The following PAX7 variants were observed in gnomAD, a reference collection of about 807,000 sequenced individuals.
PAX7 encodes paired box protein Pax-7.
Under a neutral mutation model 50.7 loss-of-function variants are expected in PAX7, and 18 were observed. That is an observed-to-expected ratio of 0.36 (90% confidence interval 0.25 to 0.53). PAX7 has a LOEUF of 0.53. PAX7 is among the 20% of genes least tolerant of loss of function. The pLI is 0.93. For missense variants in PAX7, 644 were observed against 702.9 expected (o/e 0.92, Z 0.95); for synonymous variants, 310 against 290.4 (o/e 1.07, Z -0.69).
chr1:18,672,972 G>C (rs2088774516), intron 4 of PAX7, among the ~76,000 whole-genome samples: 1 of 152,114 alleles, frequency 6.6e-6, no homozygotes, highest in Non-Finnish European at 1.5e-5. Context: ...CGCTGATGCG[G>C]GGAAGAGGAG....
At chr1:18,671,852 C>G (rs955961982) in intron 4 of PAX7, among the ~76,000 whole-genome samples, 1 of 151,800 alleles carries the variant, frequency 6.6e-6, no homozygotes, top group Non-Finnish European at 1.5e-5. Flanking sequence ...TGGTGCCCAC[C>G]TGTAGTCCTA....
intron 7 of PAX7, among the ~76,000 whole-genome samples, chr1:18,725,065 CA>C (rs1557553076): frequency 6.6e-6 from 1 of 152,200 alleles, no homozygotes; most frequent in African/African-American, 2.4e-5. Context: ...TCTCTATAAC[CA>C]GGGGCCATTT....
chr1:18,657,894 A>G (rs965620076), intron 4 of PAX7, among the ~76,000 whole-genome samples: 1 of 152,128 alleles, frequency 6.6e-6, no homozygotes, highest in African/African-American at 2.4e-5. Flanking sequence ...AACTCTTCCC[A>G]AAAGTTTATT....
In PAX7 at chr1:18,634,674, C is replaced by T. The variant is rs2088116326; in HGVS notation, c.321+136C>T. The T allele has an allele frequency of 1.5e-6, 1 of 675,836 alleles. No homozygotes were observed. The highest frequency in any genetic ancestry group is 2.7e-5 in the East Asian group (1 of 37,026). The allele number at this position is 675,836 out of a possible 1,614,324, so 41.9% of individuals were successfully genotyped here. On this transcript the variant is annotated intron_variant, in intron 2 of 8. Transcript: ENST00000420770. The surrounding 1 kb of genome is among the most constrained non-coding windows in gnomAD (Gnocchi z 4.0). ...AGGGTGTCTTCTACTCCCAGATGTC[C>T]TCCCATTGTTTTCCTATTATTTGAA...
At chr1:18,717,130 G>A (rs2089435909) in intron 7 of PAX7, among the ~76,000 whole-genome samples, 1 of 152,180 alleles carries the variant, frequency 6.6e-6, no homozygotes, top group Admixed American at 6.5e-5. Flanking sequence ...CTCAGTCAAA[G>A]TGATTCCCAA....
chr1:18,706,191 AG>A (rs1190244198), intron 7 of PAX7, among the ~76,000 whole-genome samples: 1 of 152,076 alleles, frequency 6.6e-6, no homozygotes, highest in Non-Finnish European at 1.5e-5. Flanking sequence ...TGGTCCTGGG[AG>A]GTGTGGGGCC....
chr1:18,682,410 C>A (rs1278243055), intron 4 of PAX7, among the ~76,000 whole-genome samples: 1 of 152,184 alleles, frequency 6.6e-6, no homozygotes, highest in Non-Finnish European at 1.5e-5. Flanking sequence ...CCTTTGCCAG[C>A]TGTTGGGCCC....
chr1:18,695,510 C>A (rs887159642), intron 5 of PAX7, among the ~76,000 whole-genome samples: 1 of 152,154 alleles, frequency 6.6e-6, no homozygotes, highest in African/African-American at 2.4e-5. Context: ...GCCTGTTATC[C>A]CCTCTGGCTC....
At chr1:18,635,511 T>TAGGAAGGAAGGAAGGAAGGAAGGG (rs138334090) in intron 3 of PAX7, among the ~76,000 whole-genome samples, 1 of 134,428 alleles carries the variant, frequency 7.4e-6, no homozygotes, top group African/African-American at 2.9e-5. Context: ...GGAAGGAAGG[T>TAGGAAGGAAGGAAGGAAGGAAGGG]AGGAAGGAAG....
intron 8 of PAX7, among the ~76,000 whole-genome samples, chr1:18,736,883 C>T (rs1930735830): frequency 6.6e-6 from 1 of 152,230 alleles, no homozygotes; most frequent in Non-Finnish European, 1.5e-5. Flanking sequence ...AAGTGCTCAG[C>T]AGCCATGTGC....
At chr1:18,641,508 G>C (rs1557504088) in intron 4 of PAX7, among the ~76,000 whole-genome samples, 3 of 152,244 alleles carry the variant, frequency 2.0e-5, no homozygotes. Flanking sequence ...GTCTGAACCG[G>C]GTGGGGTCCC....
intron 3 of PAX7, among the ~76,000 whole-genome samples, chr1:18,635,808 GTGTGTGTGTGTA>G (rs2088145532): frequency 6.6e-6 from 1 of 151,082 alleles, no homozygotes; most frequent in Non-Finnish European, 1.5e-5. Flanking sequence ...GATCTGTTGT[GTGTGTGTGTGTA>G]TGTGTGTGTG....
chr1:18,711,263 A>T (rs547802184), intron 7 of PAX7, among the ~76,000 whole-genome samples: 1 of 152,152 alleles, frequency 6.6e-6, no homozygotes, highest in Non-Finnish European at 1.5e-5. Context: ...ATCGGAAAAC[A>T]GGGGTAATCA....
At chr1:18,647,582 T>C (rs906267460) in intron 4 of PAX7, among the ~76,000 whole-genome samples, 15 of 152,054 alleles carry the variant, frequency 9.9e-5, no homozygotes, top group African/African-American at 3.6e-4. Context: ...AGTGAAGCAT[T>C]CTGAGATCCT....
Position 18,735,892 on chromosome 1 carries a change from G to A in PAX7, c.1402+14G>A, listed in dbSNP as rs151303777. 3 of 1,613,934 alleles carry A rather than the reference G, an allele frequency of 1.9e-6. No homozygotes were observed. Among genetic ancestry groups the A allele is most frequent in the African/African-American group, 2.7e-5 (2 of 74,924 alleles). The stretch of plus-strand genomic sequence containing the variant: ...AGTACGGCCAGAGTGAGTGCCTGGT[G>A]CCCTGGGCGTCCCCCGTCCCCATTC... On this transcript the variant is annotated intron_variant, in intron 8 of 8. Coordinates refer to ENST00000420770, the MANE Select transcript of PAX7 (RefSeq NM_001135254.2). The surrounding 1 kb of genome is among the most constrained non-coding windows in gnomAD (Gnocchi z 4.0).
intron 5 of PAX7, among the ~76,000 whole-genome samples, chr1:18,695,644 G>A (rs894080772): frequency 5.9e-5 from 9 of 152,192 alleles, no homozygotes; most frequent in Non-Finnish European, 4.4e-5. Context: ...GGGCAGCCAA[G>A]GGGGTGTCAG....
intron 7 of PAX7, among the ~76,000 whole-genome samples, chr1:18,714,334 T>A (rs1300220095): frequency 6.6e-6 from 1 of 152,234 alleles, no homozygotes; most frequent in Non-Finnish European, 1.5e-5. Context: ...ATCTGTGAAA[T>A]GGGGCCTCTG....
At chr1:18,676,375 C>A (rs760445836) in intron 4 of PAX7, among the ~76,000 whole-genome samples, 42 of 148,920 alleles carry the variant, frequency 2.8e-4, no homozygotes, top group Non-Finnish European at 4.9e-4. Context: ...GGGGGCACGA[C>A]AGGTTGGGGT....
intron 5 of PAX7, among the ~76,000 whole-genome samples, chr1:18,698,560 G>C (rs1452658479): frequency 6.6e-5 from 10 of 152,226 alleles, no homozygotes; most frequent in Admixed American, 6.5e-4. Flanking sequence ...AGCAGTGGCA[G>C]GAGGCCCACT....
Sources: gnomAD v4.1 joint callset for allele counts (sites outside exome capture counted in the v4.1 genomes callset) on GRCh38, gnomAD v4.1.1 for gene constraint, Gnocchi (gnomAD v3.1) non-coding constraint, MANE v1.5 for transcripts, NCBI Gene and HGNC (gene_info 2026-07-23, HGNC 2026-07-21) for gene names.